PPP2R5D: variants seen among roughly 807,000 people sequenced by gnomAD.
PPP2R5D encodes the protein serine/threonine-protein phosphatase 2A 56 kDa regulatory subunit delta isoform.
In PPP2R5D, 12 loss-of-function variants were observed where a neutral mutation model predicts 79.1. That is an observed-to-expected ratio of 0.15 (90% CI 0.10 to 0.25). The LOEUF is 0.25. Ranked by LOEUF, PPP2R5D falls within the 10% of genes least tolerant of loss-of-function variation. The probability of loss-of-function intolerance (pLI) is 1.00; values close to 1 mark genes in which losing one functional copy is unlikely to be tolerated. For missense variants in PPP2R5D, 419 were observed against 760.2 expected, an observed-to-expected ratio of 0.55 and a Z score of 5.28; for synonymous variants, 277 against 286.6, an observed-to-expected ratio of 0.97 and a Z score of 0.34.
At position 42,984,655 on chromosome 6, in the gene PPP2R5D, G is replaced by C. The variant is rs369753644; in HGVS notation, c.-23G>C. ...GAGCCGGAGCGGGGCCGCAGGAGAC[G>C]GGCCGGGTCCGGACGGGCCGAGATG... is the stretch of plus-strand genomic sequence containing the variant. On this transcript the variant is annotated 5_prime_UTR_variant, in exon 1 of 16. Coordinates refer to ENST00000485511, the MANE Select transcript of PPP2R5D (RefSeq NM_006245.4). 6.3e-6 allele frequency: 10 copies of C among 1,595,428 alleles called. No individual in the cohort carries two copies. The highest frequency in any genetic ancestry group is 2.7e-5 in the African/African-American group (2 of 74,048).
intron 2 of PPP2R5D, among the ~76,000 whole-genome samples, chr6:42,998,015 T>TTATATATATATATA (rs1561843629): frequency 2.5e-4 from 8 of 32,346 alleles, no homozygotes; most frequent in Non-Finnish European, 2.1e-4. Flanking sequence ...TGGGTTTTAT[T>TTATATATATATATA]TATATATATA....
At chr6:42,986,735 G>A (rs1268732055) in intron 1 of PPP2R5D, among the ~76,000 whole-genome samples, 1 of 151,854 alleles carries the variant, frequency 6.6e-6, no homozygotes, top group Non-Finnish European at 1.5e-5. Context: ...TTTTTAGTCT[G>A]TTGGACTAGA....
At chr6:42,997,197 T>G (rs533434248) in intron 2 of PPP2R5D, among the ~76,000 whole-genome samples, 24 of 151,606 alleles carry the variant, frequency 1.6e-4, no homozygotes, top group Non-Finnish European at 3.1e-4. Flanking sequence ...TTATTTTTAT[T>G]TATTTATTTT....
At position 43,008,351 on chromosome 6, in the gene PPP2R5D, G is replaced by A. The variant is rs1230154813; in HGVS notation, c.918-16G>A. 6.2e-7 allele frequency: 1 copy of A among 1,613,408 alleles called. No homozygotes were observed. The highest frequency in any genetic ancestry group is 1.7e-5 in the Admixed American group (1 of 60,024). ...ATCTGACCCTCTGGTCCTAACAAAT[G>A]TCCCTTAATTCCTAGCATCATCAAT... On this transcript the variant is annotated splice_polypyrimidine_tract_variant and intron_variant, in intron 8 of 15. Transcript: ENST00000485511. The surrounding 1 kb of genome is among the most constrained non-coding windows in gnomAD (Gnocchi z 4.2).
rs1456981388 is a variant in PPP2R5D at position 43,009,662 on chromosome 6, T to TA, written c.1379+214dup. Among the ~76,000 whole-genome samples the TA allele has an allele frequency of 3.3e-5, 5 of 152,208 alleles. No homozygotes were observed. Among genetic ancestry groups the TA allele is most frequent in the Non-Finnish European group, 7.4e-5 (5 of 68,024 alleles). On this transcript the variant is annotated intron_variant, in intron 12 of 15. Coordinates refer to ENST00000485511, the MANE Select transcript of PPP2R5D (RefSeq NM_006245.4). The surrounding 1 kb of genome is among the most constrained non-coding windows in gnomAD (Gnocchi z 5.6). ...ACCAAACAGCAGGGCAGCGGCCTGT[T>TA]ACACCGCTCCTTGGGTTCAGCTATT...
intron 2 of PPP2R5D, among the ~76,000 whole-genome samples, chr6:42,993,974 T>TTTA (rs1185462882): frequency 1.3e-5 from 2 of 152,180 alleles, no homozygotes; most frequent in African/African-American, 4.8e-5. Flanking sequence ...CTGAGATTCC[T>TTTA]TTATTATTAT....
rs747492621 is a variant in PPP2R5D, at chr6:42,984,640, G to A, written c.-38G>A. ...GGCCGAGCAAAGCCGGAGCCGGAGC[G>A]GGGCCGCAGGAGACGGGCCGGGTCC... On this transcript the variant is annotated 5_prime_UTR_variant, in exon 1 of 16. Coordinates refer to ENST00000485511, the MANE Select transcript of PPP2R5D (RefSeq NM_006245.4). The A allele has an allele frequency of 1.3e-6, 2 of 1,581,372 alleles. No homozygotes were observed. Among genetic ancestry groups the A allele is most frequent in the African/African-American group, 1.4e-5 (1 of 73,358 alleles).
intron 1 of PPP2R5D, 111 bp downstream of exon 1, chr6:42,984,815 C>A (rs1770704812): frequency 4.0e-6 from 6 of 1,499,654 alleles, no homozygotes; most frequent in South Asian, 1.3e-5. Flanking sequence ...GTCCAGCCCC[C>A]GCAGGACTCC....
chr6:42,997,837 T>C (rs1401148246), intron 2 of PPP2R5D, among the ~76,000 whole-genome samples: 1 of 150,634 alleles, frequency 6.6e-6, no homozygotes, highest in Non-Finnish European at 1.5e-5. Flanking sequence ...TGAGCCACCA[T>C]GCCCAGCCAA....
intron 2 of PPP2R5D, among the ~76,000 whole-genome samples, chr6:42,996,141 G>A (rs1464118463): frequency 2.1e-5 from 3 of 144,688 alleles, no homozygotes; most frequent in Admixed American, 2.0e-4. Flanking sequence ...ACTGCACCCG[G>A]CCATTTAAAC....
At chr6:42,990,520 G>A (rs1161669638) in intron 2 of PPP2R5D, among the ~76,000 whole-genome samples, 1 of 152,100 alleles carries the variant, frequency 6.6e-6, no homozygotes, top group Non-Finnish European at 1.5e-5. Context: ...GCGTTTAGAT[G>A]TTTCTCAGTA....
chr6:42,985,775 C>CTTTT (rs945324833), intron 1 of PPP2R5D, among the ~76,000 whole-genome samples: 3 of 118,302 alleles, frequency 2.5e-5, no homozygotes, highest in African/African-American at 6.5e-5. Context: ...CAGGCCATTT[C>CTTTT]TTTTTTTTTT....
At position 42,989,567 on chromosome 6, in the gene PPP2R5D, T is replaced by C. The variant is rs543541406; in HGVS notation, c.28-44T>C. On this transcript the variant is annotated intron_variant, in intron 1 of 15. Transcript: ENST00000485511. ...AAGGGAGCCAGATAAGACCTCTCCC[T>C]TCTCCTGGCATCTGCTAACTTTACT... 4.0e-6 allele frequency: 6 copies of C among 1,503,066 alleles called. No individual in the cohort carries two copies. In the South Asian group the frequency reaches 5.8e-5, roughly 14 times the overall value. The allele number at this position is 1,503,066 out of a possible 1,614,324, so 93.1% of individuals were successfully genotyped here.
At position 43,008,467 on chromosome 6, in the gene PPP2R5D, C is replaced by T. The variant is rs537608167; in HGVS notation, c.1018C>T (p.His340Tyr). The change falls in exon 9 of 16, where the codon CAC (histidine) becomes TAC (tyrosine). Residue 340 changes from histidine (H) to tyrosine (Y), a missense_variant. By Grantham distance (83) the His-to-Tyr change is moderately conservative. Coordinates refer to ENST00000485511, the MANE Select transcript of PPP2R5D (RefSeq NM_006245.4). This position sits in a 1 kb window ranked among gnomAD's most constrained non-coding sequence, Gnocchi z 4.2. ...CAAGGTCAAGTCCCTGAGTGTCTAC[C>T]ACCCTCAGGTGAGCTGCCTTCCTCC... ...LHKVKSLSVY[H>Y]PQLAYCVVQF... is the part of the protein sequence containing the mutation. 2.5e-6 allele frequency: 4 copies of T among 1,608,242 alleles called. No individual in the cohort carries two copies. Among genetic ancestry groups the T allele is most frequent in the Non-Finnish European group, 2.6e-6 (3 of 1,174,688 alleles).
Position 43,012,182 on chromosome 6 carries a change from C to A in PPP2R5D, c.*896C>A. The A allele has an allele frequency of 1.8e-6, 2 of 1,122,550 alleles. No individual in the cohort carries two copies. The highest frequency in any genetic ancestry group is 2.2e-6 in the Non-Finnish European group (2 of 918,344). 69.5% of individuals were successfully genotyped at this position (1,122,550 alleles called of 1,614,324 possible). A position where few individuals can be genotyped will look rare whatever the true frequency, so the allele number is the denominator to read the frequency against. Reference sequence around the variant, plus strand: ...ATAGGTACCTTGGAGGGGCCAGGGGCTGAGGAAGGCCGGACCCAGGTTCCA... The same window carrying A: ...ATAGGTACCTTGGAGGGGCCAGGGGATGAGGAAGGCCGGACCCAGGTTCCA... On this transcript the variant is annotated 3_prime_UTR_variant, in exon 16 of 16. Transcript: ENST00000485511.
In PPP2R5D at chr6:43,007,549, A is replaced by G; in HGVS notation, c.726+43A>G. 2.7e-6 allele frequency: 4 copies of G among 1,503,724 alleles called. No individual in the cohort carries two copies. The highest frequency in any genetic ancestry group is 3.7e-6 in the Non-Finnish European group (4 of 1,080,136). The allele number at this position is 1,503,724 out of a possible 1,614,324, so 93.1% of individuals were successfully genotyped here. On this transcript the variant is annotated intron_variant, in intron 6 of 15. Coordinates refer to ENST00000485511, the MANE Select transcript of PPP2R5D (RefSeq NM_006245.4). The surrounding 1 kb of genome is among the most constrained non-coding windows in gnomAD (Gnocchi z 4.5). Reference sequence around the variant, plus strand: ...TGTCCTTGCCCTCTCTTTCCATTCCATGCCCCCTTCATCTGTGTCCCAGTG... The same window carrying G: ...TGTCCTTGCCCTCTCTTTCCATTCCGTGCCCCCTTCATCTGTGTCCCAGTG...
chr6:42,986,765 A>G (rs778707060), intron 1 of PPP2R5D, among the ~76,000 whole-genome samples: 1 of 151,926 alleles, frequency 6.6e-6, no homozygotes, highest in Non-Finnish European at 1.5e-5. Flanking sequence ...ATCCACAGAA[A>G]GCAATAGCCT....
chr6:43,005,421 A>G (rs1762020963), intron 2 of PPP2R5D, among the ~76,000 whole-genome samples: 1 of 151,994 alleles, frequency 6.6e-6, no homozygotes. Flanking sequence ...AACTCCAGTA[A>G]GCTTCCTGAG....
intron 2 of PPP2R5D, among the ~76,000 whole-genome samples, chr6:43,002,774 C>A (rs1761824266): frequency 6.6e-6 from 1 of 152,156 alleles, no homozygotes; most frequent in Admixed American, 6.5e-5. Flanking sequence ...TTCCTTCCCT[C>A]CCCCACCCCA....
Sources: allele counts gnomAD v4.1 joint callset (sites outside exome capture counted in the v4.1 genomes callset), GRCh38; gene constraint gnomAD v4.1.1; non-coding constraint Gnocchi (gnomAD v3.1); transcripts MANE v1.5; gene names NCBI Gene and HGNC (gene_info 2026-07-23, HGNC 2026-07-21).